The following MALRD1 variants were observed in gnomAD, a reference collection of about 807,000 sequenced individuals.
MALRD1 encodes the protein MAM and LDL-receptor class A domain-containing protein 1.
Under a neutral mutation model 242.1 loss-of-function variants are expected in MALRD1, and 247 were observed. The ratio of observed to expected loss-of-function variants is 1.02; its 90% CI spans 0.92 to 1.13. MALRD1 has a LOEUF of 1.13. Ranked by LOEUF, MALRD1 falls within the 50% of genes most tolerant of loss-of-function variation. MALRD1 has a pLI of 0.00. For synonymous variants in MALRD1, 995 were observed against 866.6 expected (o/e 1.15, Z -2.60); for missense variants, 2,989 against 2,533.1 (o/e 1.18, Z -3.86).
At chr10:19,538,887 T>A (rs1185310844) in intron 32 of MALRD1, among the ~76,000 whole-genome samples, 2 of 152,186 alleles carry the variant, frequency 1.3e-5, no homozygotes, top group Non-Finnish European at 2.9e-5. Context: ...TCAGAACAAG[T>A]AGCCTATGGT....
chr10:19,569,082 C>T (rs899845803), intron 33 of MALRD1, among the ~76,000 whole-genome samples: 1 of 151,872 alleles, frequency 6.6e-6, no homozygotes, highest in East Asian at 1.9e-4. Flanking sequence ...TATTCTAGAT[C>T]GATATTCATA....
intron 36 of MALRD1, among the ~76,000 whole-genome samples, chr10:19,639,664 TAA>T (rs1840298063): frequency 1.3e-5 from 2 of 152,270 alleles, no homozygotes; most frequent in South Asian, 4.2e-4. Flanking sequence ...GAGAGGAAAT[TAA>T]AAGAGTATAA....
At chr10:19,369,217 A>G (rs1348054565) in intron 26 of MALRD1, among the ~76,000 whole-genome samples, 1 of 146,156 alleles carries the variant, frequency 6.8e-6, no homozygotes, top group East Asian at 1.9e-4. Context: ...TTTGAATATT[A>G]ATTCTTGTAT....
At chr10:19,086,931 C>A (rs369964921) in intron 2 of MALRD1, among the ~76,000 whole-genome samples, 7 of 151,964 alleles carry the variant, frequency 4.6e-5, no homozygotes, top group African/African-American at 7.3e-5. Context: ...AGGCATACCC[C>A]CCAAGTCTGC....
intron 34 of MALRD1, among the ~76,000 whole-genome samples, chr10:19,603,945 C>G (rs1472803205): frequency 1.3e-5 from 2 of 152,154 alleles, no homozygotes; most frequent in Non-Finnish European, 2.9e-5. Context: ...TTTTCCTCTC[C>G]TTGGGTCTCC....
chr10:19,709,478 A>C (rs536909900), intron 38 of MALRD1, among the ~76,000 whole-genome samples: 1 of 152,254 alleles, frequency 6.6e-6, no homozygotes, highest in East Asian at 1.9e-4. Flanking sequence ...TGAAATTATA[A>C]TCTTTGTGTT....
intron 32 of MALRD1, among the ~76,000 whole-genome samples, chr10:19,555,998 A>G (rs1285813825): frequency 6.6e-6 from 1 of 152,146 alleles, no homozygotes; most frequent in African/African-American, 2.4e-5. Flanking sequence ...TTGATGAGAC[A>G]TTTGTGTTTT....
At position 19,723,501 on chromosome 10, in the gene MALRD1, A is replaced by G. The variant is rs181771374; in HGVS notation, c.6315-7205A>G. ...ATAATCCCAGTGCTTTAGGAGACCAAGATGAGAGGATTGCTTGAGGTCAGG... is the reference window on the plus strand; with the variant it reads ...ATAATCCCAGTGCTTTAGGAGACCAGGATGAGAGGATTGCTTGAGGTCAGG... On this transcript the variant is annotated intron_variant, in intron 38 of 39. Transcript: ENST00000454679. Among the ~76,000 whole-genome samples, 378 of 152,284 alleles carry G rather than the reference A, an allele frequency of 2.5e-3. 1 individual carries two copies. The highest frequency in any genetic ancestry group is 4.0e-3 in the Non-Finnish European group (269 of 68,012).
chr10:19,250,417 T>C (rs1046391121), intron 18 of MALRD1, among the ~76,000 whole-genome samples: 9 of 151,976 alleles, frequency 5.9e-5, no homozygotes, highest in African/African-American at 2.2e-4. Flanking sequence ...ATTCACATAA[T>C]ATATGAGATG....
intron 32 of MALRD1, among the ~76,000 whole-genome samples, chr10:19,543,170 GC>G (rs1396339921): frequency 2.0e-5 from 3 of 152,150 alleles, no homozygotes; most frequent in African/African-American, 7.2e-5. Flanking sequence ...CTGCAGCCTT[GC>G]CTTCCCAGGC....
intron 31 of MALRD1, among the ~76,000 whole-genome samples, chr10:19,520,654 C>T (rs906381859): frequency 1.3e-5 from 2 of 152,174 alleles, no homozygotes; most frequent in Non-Finnish European, 2.9e-5. Context: ...AAAAGTGTTT[C>T]TCTATGAAAC....
chr10:19,689,837 G>C (rs1473336419), intron 36 of MALRD1, among the ~76,000 whole-genome samples: 1 of 152,036 alleles, frequency 6.6e-6, no homozygotes, highest in Non-Finnish European at 1.5e-5. Flanking sequence ...TTAGTGTGGA[G>C]ATTGCAGTTT....
intron 36 of MALRD1, among the ~76,000 whole-genome samples, chr10:19,685,233 ATCTT>A (rs1432428309): frequency 1.3e-5 from 2 of 152,014 alleles, no homozygotes; most frequent in African/African-American, 2.4e-5. Context: ...ACTTTTCTTT[ATCTT>A]TCTTCTATTT....
chr10:19,515,519 C>T (rs1345070495), intron 31 of MALRD1, among the ~76,000 whole-genome samples: 2 of 151,748 alleles, frequency 1.3e-5, no homozygotes, highest in Non-Finnish European at 2.9e-5. Flanking sequence ...GTTGTTTGTA[C>T]AGATTTCCCG....
intron 36 of MALRD1, among the ~76,000 whole-genome samples, chr10:19,689,126 C>A (rs977385806): frequency 6.6e-6 from 1 of 152,178 alleles, no homozygotes; most frequent in Admixed American, 6.5e-5. Flanking sequence ...GACATCTGAC[C>A]TTAAGAAAGT....
intron 29 of MALRD1, among the ~76,000 whole-genome samples, chr10:19,482,644 A>G (rs1029446858): frequency 1.8e-5 from 2 of 112,246 alleles, no homozygotes; most frequent in Non-Finnish European, 3.7e-5. Context: ...AATCCCATTT[A>G]CAATAGCTAC....
chr10:19,174,897 A>G (rs929622357), intron 13 of MALRD1, among the ~76,000 whole-genome samples: 2 of 152,130 alleles, frequency 1.3e-5, no homozygotes, highest in African/African-American at 4.8e-5. Context: ...ACAGTTGATT[A>G]CCCCAAAGAG....
intron 14 of MALRD1, among the ~76,000 whole-genome samples, chr10:19,201,452 G>A (rs116994217): frequency 0.021 from 3,163 of 152,218 alleles, 55 homozygotes; most frequent in Non-Finnish European, 0.029. Context: ...TCCCTGGATA[G>A]CAGATAATAA....
intron 36 of MALRD1, among the ~76,000 whole-genome samples, chr10:19,633,328 T>C (rs1052946092): frequency 3.9e-5 from 6 of 152,172 alleles, no homozygotes; most frequent in Non-Finnish European, 1.5e-5. Flanking sequence ...AAGCACGGTG[T>C]AATTAACTTC....
Sources: gnomAD v4.1 joint callset for allele counts (sites outside exome capture counted in the v4.1 genomes callset) on GRCh38, gnomAD v4.1.1 for gene constraint, MANE v1.5 for transcripts, NCBI Gene and HGNC (gene_info 2026-07-23, HGNC 2026-07-21) for gene names.